Variants in XPO7 observed in about 807,000 individuals in gnomAD.
XPO7 encodes exportin-7.
XPO7 carries 21 observed loss-of-function variants against 144.3 expected under a neutral mutation model. The observed-to-expected ratio is 0.15, with a 90% CI of 0.10 to 0.21. The LOEUF (loss-of-function observed/expected upper bound fraction) is 0.21. XPO7 is among the 10% of genes least tolerant of loss of function. XPO7 has a pLI of 1.00. For synonymous variants in XPO7, 580 were observed against 499.6 expected, an observed-to-expected ratio of 1.16 and a Z score of -2.15; for missense variants, 808 against 1,325.8, an observed-to-expected ratio of 0.61 and a Z score of 6.06.
intron 19 of XPO7, among the ~76,000 whole-genome samples, chr8:21,992,556 G>T (rs888933755): frequency 1.3e-5 from 2 of 151,938 alleles, no homozygotes; most frequent in African/African-American, 4.8e-5. Context: ...TTTTATTTTT[G>T]ATTTTTTTTA....
chr8:21,920,749 G>A (rs1360050114), intron 1 of XPO7, among the ~76,000 whole-genome samples: 1 of 152,194 alleles, frequency 6.6e-6, no homozygotes, highest in Non-Finnish European at 1.5e-5. Flanking sequence ...AGTTATTGAT[G>A]CACATCCATT....
In XPO7 at chr8:21,919,725, G is replaced by GCCC. The variant is rs1339050586; in HGVS notation, c.-45_-44insCCC. 3.7e-5 allele frequency: 12 copies of GCCC among 328,610 alleles called. No individual in the cohort carries two copies. The highest frequency in any genetic ancestry group is 5.2e-5 in the Non-Finnish European group (11 of 210,342). The allele number at this position is 328,610 out of a possible 1,614,324, so 20.4% of individuals were successfully genotyped here. A position where few individuals can be genotyped will look rare whatever the true frequency, so the allele number is the denominator to read the frequency against. On this transcript the variant is annotated 5_prime_UTR_variant, in exon 1 of 28. Transcript: ENST00000252512. ...GCGGCAGCGGCTCCGGCCGAGGTGC[G>GCCC]CGCTGGGGGGGAGGGGGGGCCGGAG...
rs909334964 is a variant in XPO7 at position 21,953,376 on chromosome 8, G to A, written c.19-13481G>A. On this transcript the variant is annotated intron_variant, in intron 1 of 27. Coordinates refer to ENST00000252512, the MANE Select transcript of XPO7 (RefSeq NM_015024.5). Reference sequence around the variant, plus strand: ...ATAGTAGTTGGAATCACCCAATAATGTAGCCTTTCAGATTGGCATCTTAAA... The same window carrying A: ...ATAGTAGTTGGAATCACCCAATAATATAGCCTTTCAGATTGGCATCTTAAA... Among the ~76,000 whole-genome samples the A allele has an allele frequency of 3.3e-5, 5 of 152,230 alleles. No homozygotes were observed. The East Asian group carries it at 7.7e-4, about 24-fold the overall frequency.
chr8:21,972,585 T>A (rs1812102905), intron 5 of XPO7, among the ~76,000 whole-genome samples: 1 of 152,292 alleles, frequency 6.6e-6, no homozygotes, highest in South Asian at 2.1e-4. Context: ...ATACTTTAAA[T>A]TTTTTAAATG....
chr8:21,999,598 G>A lies in XPO7; in HGVS notation c.2706G>A (p.Met902Ile). 1 of 1,613,946 alleles carries A rather than the reference G, an allele frequency of 6.2e-7. No homozygotes were observed. The highest frequency in any genetic ancestry group is 8.5e-7 in the Non-Finnish European group (1 of 1,179,892). The change falls in exon 24 of 28, where the codon ATG becomes ATA. Residue 902 changes from methionine (M) to isoleucine (I), a missense_variant. Coordinates refer to ENST00000252512, the MANE Select transcript of XPO7 (RefSeq NM_015024.5). ...SLLEVLTQDH[M>I]NFIASLEPHV... ...TGGAAGTCCTGACCCAGGACCATAT[G>A]AACTTTATTGCAAGCCTGGAACCTC... is the stretch of plus-strand genomic sequence containing the variant.
At chr8:21,927,116 A>G (rs1049248161) in intron 1 of XPO7, among the ~76,000 whole-genome samples, 6 of 152,120 alleles carry the variant, frequency 3.9e-5, no homozygotes, top group African/African-American at 1.4e-4. Flanking sequence ...AGGCAGGGGC[A>G]CACATGCTTG....
At chr8:21,987,079 G>C in intron 13 of XPO7, 62 bp from the exon 14 acceptor site, 2 of 1,606,572 alleles carry the variant, frequency 1.2e-6, no homozygotes, top group Non-Finnish European at 1.7e-6. Flanking sequence ...AAGATAGCTT[G>C]GGTTGTCTAG....
In XPO7 at chr8:21,940,744, C is replaced by G. The variant is rs374688591; in HGVS notation, c.18+20956C>G. On this transcript the variant is annotated intron_variant, in intron 1 of 27. Transcript: ENST00000252512. ...TTGGCCTCCCAAAGTGCTGGGACTA[C>G]AGGCATGAGCCACCGTGCCTGGCCA... Among the ~76,000 whole-genome samples, 3 of 152,140 alleles carry G rather than the reference C, an allele frequency of 2.0e-5. No homozygotes were observed. The South Asian group carries it at 6.2e-4, about 32-fold the overall frequency.
chr8:21,921,812 A>T (rs1320722316), intron 1 of XPO7, among the ~76,000 whole-genome samples: 1 of 152,214 alleles, frequency 6.6e-6, no homozygotes, highest in East Asian at 1.9e-4. Context: ...CTTCATATCA[A>T]CGGGGTAAGT....
intron 11 of XPO7, 31 bp downstream of exon 11, chr8:21,982,843 A>G: frequency 6.4e-7 from 1 of 1,564,850 alleles, no homozygotes; most frequent in Non-Finnish European, 8.6e-7. Flanking sequence ...TCATTCCCGC[A>G]CCAGTGGCCT....
chr8:21,954,420 G>A (rs61430089), intron 1 of XPO7, among the ~76,000 whole-genome samples: 3 of 152,188 alleles, frequency 2.0e-5, no homozygotes, highest in African/African-American at 4.8e-5. Flanking sequence ...CGGATCACGA[G>A]GTCAGGAGTT....
At chr8:21,969,418 G>C in intron 2 of XPO7, 65 bp from the exon 3 acceptor site, 1 of 1,401,226 alleles carries the variant, frequency 7.1e-7, no homozygotes, top group Non-Finnish European at 9.9e-7. Flanking sequence ...AGATCTCCAA[G>C]TTAAAAACCT....
intron 26 of XPO7, 95 bp downstream of exon 26, chr8:22,003,412 C>G (rs1342568799): frequency 2.1e-6 from 2 of 935,484 alleles, no homozygotes; most frequent in African/African-American, 1.7e-5. Flanking sequence ...TAGAAACACC[C>G]CACGGTGGTG....
At chr8:21,925,157 A>C (rs1279912788) in intron 1 of XPO7, among the ~76,000 whole-genome samples, 1 of 152,224 alleles carries the variant, frequency 6.6e-6, no homozygotes, top group African/African-American at 2.4e-5. Flanking sequence ...ACTCATTACT[A>C]GGAAATTCTC....
chr8:21,943,579 A>C (rs1811064186), intron 1 of XPO7, among the ~76,000 whole-genome samples: 1 of 152,196 alleles, frequency 6.6e-6, no homozygotes, highest in South Asian at 2.1e-4. Context: ...ATTTTGTTAA[A>C]CGCGTAAAAC....
Position 22,005,246 on chromosome 8 carries a change from G to A in XPO7, c.*158G>A. The A allele has an allele frequency of 3.9e-6, 2 of 515,284 alleles. No individual in the cohort carries two copies. Among genetic ancestry groups the A allele is most frequent in the Non-Finnish European group, 6.7e-6 (2 of 296,696 alleles). 31.9% of individuals were successfully genotyped at this position (515,284 alleles called of 1,614,324 possible). A position where few individuals can be genotyped will look rare whatever the true frequency, so the allele number is the denominator to read the frequency against. ...AACTAGCTGCTTCCCCAGGGAATAG[G>A]GGTGTGAGTACACTCACTAGGGGGC... On this transcript the variant is annotated 3_prime_UTR_variant, in exon 28 of 28. Coordinates refer to ENST00000252512, the MANE Select transcript of XPO7 (RefSeq NM_015024.5).
intron 1 of XPO7, chr8:21,921,276 T>C (rs1471202425): frequency 6.6e-6 from 1 of 152,202 alleles, no homozygotes; most frequent in African/African-American, 2.4e-5. Flanking sequence ...ACTTCTGTCA[T>C]TTAAAGGAAC....
intron 1 of XPO7, among the ~76,000 whole-genome samples, chr8:21,958,424 A>G (rs1811608865): frequency 6.6e-6 from 1 of 152,194 alleles, no homozygotes; most frequent in Non-Finnish European, 1.5e-5. Flanking sequence ...TTAGCGTTAA[A>G]CTAATGGCCA....
chr8:21,964,617 A>C (rs1029514173), intron 1 of XPO7, among the ~76,000 whole-genome samples: 2 of 152,178 alleles, frequency 1.3e-5, no homozygotes, highest in Non-Finnish European at 2.9e-5. Context: ...TGGGAACAAA[A>C]AAAAAAAATG....
Sources: allele counts gnomAD v4.1 joint callset (sites outside exome capture counted in the v4.1 genomes callset), GRCh38; gene constraint gnomAD v4.1.1; transcripts MANE v1.5; gene names NCBI Gene and HGNC (gene_info 2026-07-23, HGNC 2026-07-21).